Variants in KIAA1217 observed in about 807,000 individuals in gnomAD.
The protein encoded by KIAA1217 is sickle tail protein homolog.
A neutral mutation model predicts 163.9 loss-of-function variants in KIAA1217; 88 were observed. The ratio of observed to expected loss-of-function variants is 0.54; its 90% CI spans 0.45 to 0.64. KIAA1217 has a LOEUF of 0.64. Among genes scored for constraint, KIAA1217 ranks in the 30% least tolerant of loss-of-function variants. The probability of loss-of-function intolerance (pLI) is 0.00; values close to 1 mark genes in which losing one functional copy is unlikely to be tolerated. For missense variants in KIAA1217, 2,372 were observed against 2,475.0 expected (o/e 0.96, Z 0.88); for synonymous variants, 903 against 923.1 (o/e 0.98, Z 0.39).
intron 2 of KIAA1217, among the ~76,000 whole-genome samples, chr10:24,368,420 G>A (rs1160079825): frequency 3.3e-5 from 5 of 151,802 alleles, no homozygotes; most frequent in Non-Finnish European, 5.9e-5. Context: ...TCTTCTGCTT[G>A]AAACAAATAA....
In KIAA1217 at chr10:23,999,013, G is replaced by A. The variant is rs577306994; in HGVS notation, c.-320-8212G>A. Among the ~76,000 whole-genome samples, 12 of 152,058 alleles carry A rather than the reference G, an allele frequency of 7.9e-5. No homozygotes were observed. The East Asian group carries it at 1.4e-3, about 17-fold the overall frequency. Reference sequence around the variant, plus strand: ...AGACTAGATCTCTATCATTGGGATCGCTTTATATTAATATTTCTGAAAATA... The same window carrying A: ...AGACTAGATCTCTATCATTGGGATCACTTTATATTAATATTTCTGAAAATA... On this transcript the variant is annotated intron_variant, in intron 1 of 18. Coordinates refer to the KIAA1217 transcript ENST00000376462.
intron 2 of KIAA1217, among the ~76,000 whole-genome samples, chr10:24,102,774 G>A (rs1589506312): frequency 1.3e-5 from 2 of 152,196 alleles, no homozygotes; most frequent in African/African-American, 4.8e-5. Context: ...CTTTGAGGAA[G>A]GAGCAAAAGC....
At chr10:24,409,401 A>G (rs140298960) in intron 3 of KIAA1217, among the ~76,000 whole-genome samples, 17 of 152,298 alleles carry the variant, frequency 1.1e-4, no homozygotes, top group African/African-American at 3.8e-4. Context: ...ATTCTAGGGA[A>G]TGCAAATTAA....
Position 24,186,567 on chromosome 10 carries a change from G to A in KIAA1217, c.-170-33059G>A, listed in dbSNP as rs191988073. On this transcript the variant is annotated intron_variant, in intron 2 of 18. Transcript: ENST00000376462. ...CTCCAGTGATAACTGTTACTTAGAA[G>A]GGGGATCTTTGTTGTATCTCCCATC... is the stretch of plus-strand genomic sequence containing the variant. Among the ~76,000 whole-genome samples the A allele has an allele frequency of 6.6e-5, 10 of 152,282 alleles. 1 individual carries two copies. The East Asian group carries it at 1.9e-3, about 29-fold the overall frequency.
At chr10:24,052,412 T>C (rs1849580365) in intron 2 of KIAA1217, among the ~76,000 whole-genome samples, 1 of 152,178 alleles carries the variant, frequency 6.6e-6, no homozygotes, top group Non-Finnish European at 1.5e-5. Context: ...AATATTTTCC[T>C]AAAATCTGTA....
chr10:24,180,738 AT>A lies in KIAA1217; in HGVS notation c.-170-38885del, dbSNP rs2066136829. 3.9e-5 allele frequency among the ~76,000 whole-genome samples: 6 copies of A among 152,292 alleles called. No individual in the cohort carries two copies. In the South Asian group the frequency reaches 1.2e-3, roughly 32 times the overall value. ...TGAGGAATTAATTTGACAATCTGTC[AT>A]TTAGTCCTGTGGTTGTGTTGTTTTA... On this transcript the variant is annotated intron_variant, in intron 2 of 18. Coordinates refer to the KIAA1217 transcript ENST00000376462.
intron 2 of KIAA1217, among the ~76,000 whole-genome samples, chr10:24,172,362 T>G (rs1393333251): frequency 1.3e-5 from 2 of 152,190 alleles, no homozygotes; most frequent in African/African-American, 2.4e-5. Flanking sequence ...GATAGACTGC[T>G]CTGGGATTCC....
At chr10:23,781,859 G>A (rs374749625) in intron 1 of KIAA1217, among the ~76,000 whole-genome samples, 1 of 152,140 alleles carries the variant, frequency 6.6e-6, no homozygotes, top group East Asian at 1.9e-4. Flanking sequence ...TGATGCTCTT[G>A]TCAAAAATTT....
chr10:23,879,032 GAAATC>G (rs1407301148), intron 1 of KIAA1217, among the ~76,000 whole-genome samples: 1 of 151,948 alleles, frequency 6.6e-6, no homozygotes, highest in Non-Finnish European at 1.5e-5. Context: ...TCCACGTGTA[GAAATC>G]AAATGGGCAG....
At chr10:24,513,585 T>C (rs1027008078) in intron 10 of KIAA1217, 151 bp downstream of exon 10, 14 of 698,782 alleles carry the variant, frequency 2.0e-5, no homozygotes, top group Non-Finnish European at 3.1e-5. Context: ...TGCTGGTATA[T>C]GTGGACACTT....
chr10:24,236,664 T>C (rs1010473958), intron 2 of KIAA1217, among the ~76,000 whole-genome samples: 27 of 152,070 alleles, frequency 1.8e-4, no homozygotes, highest in Admixed American at 3.9e-4. Context: ...TTTTTGTTTT[T>C]TTTTTGAGGC....
intron 1 of KIAA1217, among the ~76,000 whole-genome samples, chr10:23,829,555 G>T (rs1462254672): frequency 6.6e-6 from 1 of 152,114 alleles, no homozygotes; most frequent in African/African-American, 2.4e-5. Context: ...TTGATTATTT[G>T]CACATTTATA....
At chr10:24,118,256 T>C (rs1294005319) in intron 2 of KIAA1217, among the ~76,000 whole-genome samples, 1 of 151,732 alleles carries the variant, frequency 6.6e-6, no homozygotes, top group Non-Finnish European at 1.5e-5. Context: ...GTGGTTGCAA[T>C]AGGGGTGATG....
At chr10:24,224,799 T>A (rs1425868263) in intron 2 of KIAA1217, among the ~76,000 whole-genome samples, 1 of 151,676 alleles carries the variant, frequency 6.6e-6, no homozygotes, top group African/African-American at 2.4e-5. Context: ...CTCTTATTTT[T>A]AAATTAGTAC....
chr10:23,899,718 G>T (rs1841874790), intron 1 of KIAA1217, among the ~76,000 whole-genome samples: 1 of 152,036 alleles, frequency 6.6e-6, no homozygotes, highest in South Asian at 2.1e-4. Flanking sequence ...GCACTAGAAA[G>T]CTCAGAGGAC....
At chr10:24,512,666 A>G (rs1024158271) in intron 9 of KIAA1217, among the ~76,000 whole-genome samples, 9 of 152,230 alleles carry the variant, frequency 5.9e-5, no homozygotes, top group Non-Finnish European at 1.0e-4. Context: ...CTGTGATTTC[A>G]TGGTACTTGG....
At chr10:24,186,977 A>C (rs2066463492) in intron 2 of KIAA1217, among the ~76,000 whole-genome samples, 1 of 151,868 alleles carries the variant, frequency 6.6e-6, no homozygotes, top group African/African-American at 2.4e-5. Flanking sequence ...CCTCAAATGT[A>C]CTCTCTGTGA....
At chr10:24,175,362 T>C (rs867146657) in intron 2 of KIAA1217, among the ~76,000 whole-genome samples, 17 of 152,186 alleles carry the variant, frequency 1.1e-4, no homozygotes, top group African/African-American at 4.1e-4. Flanking sequence ...AGAATAATGA[T>C]CTCCAATTCC....
intron 2 of KIAA1217, among the ~76,000 whole-genome samples, chr10:24,304,967 G>C (rs1160893571): frequency 6.6e-6 from 1 of 152,040 alleles, no homozygotes. Flanking sequence ...TACAGTGATG[G>C]GATTGCATTT....
Sources: gnomAD v4.1 joint callset for allele counts (sites outside exome capture counted in the v4.1 genomes callset) on GRCh38, gnomAD v4.1.1 for gene constraint, MANE v1.5 for transcripts, NCBI Gene and HGNC (gene_info 2026-07-23, HGNC 2026-07-21) for gene names.